The following CFHR1 variants were observed in gnomAD, a reference collection of about 807,000 sequenced individuals.
CFHR1 encodes the protein complement factor H-related protein 1.
In CFHR1, 22 loss-of-function variants were observed where a neutral mutation model predicts 30.4. The ratio of observed to expected loss-of-function variants is 0.72; its 90% confidence interval spans 0.52 to 1.03. The LOEUF is 1.03. Among genes scored for constraint, CFHR1 ranks in the 50% least tolerant of loss-of-function variants. The pLI is 0.00. For synonymous variants in CFHR1, 95 were observed against 129.1 expected (o/e 0.74, Z 1.79); for missense variants, 248 against 380.6 (o/e 0.65, Z 2.90).
intron 5 of CFHR1, among the ~76,000 whole-genome samples, chr1:196,831,488 C>G (rs1295112482): frequency 7.4e-6 from 1 of 135,012 alleles, no homozygotes; most frequent in Non-Finnish European, 1.6e-5. Flanking sequence ...ACTCTTTGAC[C>G]AATATCTTAA....
chr1:196,830,916 A>G (rs1254442989), intron 5 of CFHR1, among the ~76,000 whole-genome samples: 2 of 134,472 alleles, frequency 1.5e-5, no homozygotes, highest in East Asian at 3.9e-4. Flanking sequence ...TCACGAGGTC[A>G]GGAGATTGAG....
chr1:196,829,075 T>C (rs1451262475), intron 4 of CFHR1, among the ~76,000 whole-genome samples: 1 of 134,784 alleles, frequency 7.4e-6, no homozygotes, highest in Admixed American at 7.1e-5. Flanking sequence ...AGATTAATTT[T>C]GATTCATATG....
Position 196,825,783 on chromosome 1 carries a change from G to A in CFHR1, c.253+112G>A. The A allele has an allele frequency of 2.8e-6, 3 of 1,076,672 alleles. 1 individual carries two copies. In the South Asian group the frequency reaches 4.7e-5, roughly 17 times the overall value. The allele number at this position is 1,076,672 out of a possible 1,614,324, so 66.7% of individuals were successfully genotyped here. A position where few individuals can be genotyped will look rare whatever the true frequency, so the allele number is the denominator to read the frequency against. On this transcript the variant is annotated intron_variant, in intron 2 of 5. Transcript: ENST00000320493. ...ACAGGGACAGTGACCAAAGAAGCTG[G>A]AAAGATGGGAGATGTAGTCCCCCTA... is the stretch of plus-strand genomic sequence containing the variant.
In CFHR1 at chr1:196,827,956, G is replaced by T; in HGVS notation, c.431-114G>T. 7.5e-6 allele frequency: 7 copies of T among 937,058 alleles called. 1 individual carries two copies. Among genetic ancestry groups the T allele is most frequent in the African/African-American group, 4.9e-5 (2 of 40,774 alleles). 58.0% of individuals were successfully genotyped at this position (937,058 alleles called of 1,614,324 possible). On this transcript the variant is annotated intron_variant, in intron 3 of 5. Transcript: ENST00000320493. Reference sequence around the variant, plus strand: ...ATTTATTAAAATCAACAAAATATTTGATGAGATTGTCTACTTATTTTAAAT... The same window carrying T: ...ATTTATTAAAATCAACAAAATATTTTATGAGATTGTCTACTTATTTTAAAT...
Position 196,828,077 on chromosome 1 carries a change from C to T in CFHR1, c.438C>T (p.Ser146=). ...TPPKCRSTDT[S]CVNPPTVQNA... ...TCTTTTTTTTCTACTCAGACACTTC[C>T]TGTGTGAATCCGCCCACAGTACAAA... Residue 146 remains serine, a synonymous_variant, in exon 4 of 6, where the codon TCC becomes TCT. Coordinates refer to ENST00000320493, the MANE Select transcript of CFHR1 (RefSeq NM_002113.3). 6.7e-7 allele frequency: 1 copy of T among 1,489,250 alleles called. No individual in the cohort carries two copies. The highest frequency in any genetic ancestry group is 9.0e-7 in the Non-Finnish European group (1 of 1,110,548). The allele number at this position is 1,489,250 out of a possible 1,614,324, so 92.3% of individuals were successfully genotyped here. A position where few individuals can be genotyped will look rare whatever the true frequency, so the allele number is the denominator to read the frequency against.
At position 196,829,439 on chromosome 1, in the gene CFHR1, A is replaced by G. The variant is rs370236746; in HGVS notation, c.608-1061A>G. On this transcript the variant is annotated intron_variant, in intron 4 of 5. Transcript: ENST00000320493. ...ATTTTTTCAGGATCCTGAAGTCTCAAGCTCTTTCTTTTATCTGTTTTATTT... is the reference window on the plus strand; with the variant it reads ...ATTTTTTCAGGATCCTGAAGTCTCAGGCTCTTTCTTTTATCTGTTTTATTT... Among the ~76,000 whole-genome samples the G allele has an allele frequency of 3.1e-4, 42 of 135,024 alleles. 11 individuals carry two copies. Among genetic ancestry groups the G allele is most frequent in the East Asian group, 1.6e-3 (8 of 5,124 alleles). 88.6% of individuals were successfully genotyped at this position (135,024 alleles called of 152,430 possible).
rs1655522557 is a variant in CFHR1, at chr1:196,830,739, T to A, written c.790+57T>A. 1.3e-6 allele frequency: 2 copies of A among 1,499,786 alleles called. 1 individual carries two copies. The highest frequency in any genetic ancestry group is 1.8e-6 in the Non-Finnish European group (2 of 1,106,720). 92.9% of individuals were successfully genotyped at this position (1,499,786 alleles called of 1,614,324 possible). On this transcript the variant is annotated intron_variant, in intron 5 of 5. Transcript: ENST00000320493. The stretch of plus-strand genomic sequence containing the variant: ...AATCAGTGTGATGAGTCTGATATTT[T>A]GCTGTTGGTAACAAAATAATCACAG...
At chr1:196,822,176 G>A (rs1655142249) in intron 1 of CFHR1, among the ~76,000 whole-genome samples, 1 of 118,464 alleles carries the variant, frequency 8.4e-6, no homozygotes, top group African/African-American at 4.0e-5. Context: ...ACTACTAGAG[G>A]TGGTATAAAC....
intron 2 of CFHR1, among the ~76,000 whole-genome samples, chr1:196,826,539 C>T (rs1315606967): frequency 7.5e-6 from 1 of 133,682 alleles, no homozygotes; most frequent in Admixed American, 7.2e-5. Flanking sequence ...CTACCTCTGC[C>T]TTCTAGATTC....
chr1:196,827,734 A>G (rs1456084444), intron 3 of CFHR1, among the ~76,000 whole-genome samples: 2 of 104,622 alleles, frequency 1.9e-5, no homozygotes, highest in Admixed American at 1.9e-4. Context: ...TTAATGTTAA[A>G]TAAATAGAAC....
chr1:196,827,347 A>G lies in CFHR1; in HGVS notation c.430+342A>G, dbSNP rs1293414720. ...TTTACCAACCCCTCCAGGGAATTCTATGCACACTTCTGTGTGAGAAGCATT... is the reference window on the plus strand; with the variant it reads ...TTTACCAACCCCTCCAGGGAATTCTGTGCACACTTCTGTGTGAGAAGCATT... On this transcript the variant is annotated intron_variant, in intron 3 of 5. Coordinates refer to ENST00000320493, the MANE Select transcript of CFHR1 (RefSeq NM_002113.3). Among the ~76,000 whole-genome samples, 11 of 135,704 alleles carry G rather than the reference A, an allele frequency of 8.1e-5. 3 individuals carry two copies. Among genetic ancestry groups the G allele is most frequent in the African/African-American group, 3.5e-4 (11 of 31,860 alleles). 89.0% of individuals were successfully genotyped at this position (135,704 alleles called of 152,430 possible).
At chr1:196,828,810 T>C (rs1297742816) in intron 4 of CFHR1, among the ~76,000 whole-genome samples, 5 of 128,038 alleles carry the variant, frequency 3.9e-5, no homozygotes, top group Admixed American at 1.5e-4. Context: ...TTTTTTTTTT[T>C]CACTATTTTA....
rs188187261 is a variant in CFHR1, at chr1:196,829,981, C to G, written c.608-519C>G. On this transcript the variant is annotated intron_variant, in intron 4 of 5. Coordinates refer to ENST00000320493, the MANE Select transcript of CFHR1 (RefSeq NM_002113.3). ...CAGTTTTTTGTTTTCAGTCTATTTTCAGAGTGGGTAATTTATATTGCTGTA... is the reference window on the plus strand; with the variant it reads ...CAGTTTTTTGTTTTCAGTCTATTTTGAGAGTGGGTAATTTATATTGCTGTA... 9.7e-5 allele frequency among the ~76,000 whole-genome samples: 13 copies of G among 134,684 alleles called. 1 individual carries two copies. The East Asian group carries it at 2.4e-3, about 24-fold the overall frequency. The allele number at this position is 134,684 out of a possible 152,430, so 88.4% of individuals were successfully genotyped here. A position where few individuals can be genotyped will look rare whatever the true frequency, so the allele number is the denominator to read the frequency against.
rs41310895 is a variant in CFHR1, at chr1:196,825,517, A to G, written c.99A>G (p.Leu33=). 2.0e-6 allele frequency: 3 copies of G among 1,518,780 alleles called. No individual in the cohort carries two copies. The highest frequency in any genetic ancestry group is 1.9e-4 in the Middle Eastern group (1 of 5,344). The allele number at this position is 1,518,780 out of a possible 1,614,324, so 94.1% of individuals were successfully genotyped here. The stretch of plus-strand genomic sequence containing the variant: ...TTCCAAAAATAAACCATGGAATTCT[A>G]TATGATGAAGAAAAATATAAGCCAT... ...CDFPKINHGI[L]YDEEKYKPFS... The change falls in exon 2 of 6, where the codon CTA becomes CTG. Residue 33 remains leucine, a synonymous_variant. Transcript: ENST00000320493.
Position 196,832,181 on chromosome 1 carries a change from G to A in CFHR1, c.*182G>A. ...CTTAAAAGCACCATATTAAAACTTG[G>A]AAAACTAACTGTTGTGTCCAGTTCA... On this transcript the variant is annotated 3_prime_UTR_variant, in exon 6 of 6. Coordinates refer to ENST00000320493, the MANE Select transcript of CFHR1 (RefSeq NM_002113.3). 1.5e-6 allele frequency: 1 copy of A among 678,562 alleles called. No individual in the cohort carries two copies. Among genetic ancestry groups the A allele is most frequent in the Non-Finnish European group, 2.4e-6 (1 of 424,718 alleles). 42.0% of individuals were successfully genotyped at this position (678,562 alleles called of 1,614,324 possible). A position where few individuals can be genotyped will look rare whatever the true frequency, so the allele number is the denominator to read the frequency against.
Position 196,824,539 on chromosome 1 carries a change from T to A in CFHR1, c.59-938T>A, listed in dbSNP as rs1457769206. ...TCCCAAAGTGCTGGGATTACAGGCA[T>A]GAGCTACCACACTCAGCCCTCTCAT... On this transcript the variant is annotated intron_variant, in intron 1 of 5. Transcript: ENST00000320493. 1.7e-4 allele frequency among the ~76,000 whole-genome samples: 22 copies of A among 132,548 alleles called. 9 individuals carry two copies. Among genetic ancestry groups the A allele is most frequent in the African/African-American group, 7.2e-4 (22 of 30,588 alleles). 87.0% of individuals were successfully genotyped at this position (132,548 alleles called of 152,430 possible). A position where few individuals can be genotyped will look rare whatever the true frequency, so the allele number is the denominator to read the frequency against.
chr1:196,824,919 C>T (rs1469178301), intron 1 of CFHR1, among the ~76,000 whole-genome samples: 1 of 125,534 alleles, frequency 8.0e-6, no homozygotes, highest in Non-Finnish European at 1.6e-5. Flanking sequence ...TCTTATATTC[C>T]CTAAATTATT....
Position 196,826,611 on chromosome 1 carries a change from C to T in CFHR1, c.254-218C>T, listed in dbSNP as rs437504. On this transcript the variant is annotated intron_variant, in intron 2 of 5. Coordinates refer to ENST00000320493, the MANE Select transcript of CFHR1 (RefSeq NM_002113.3). ...AATTATAAGTGCGCACCACTATGCC[C>T]GCTAATTTTTGTATTTTTACTAGAA... is the stretch of plus-strand genomic sequence containing the variant. 0.45 allele frequency among the ~76,000 whole-genome samples: 59,639 copies of T among 131,640 alleles called. 19,475 individuals are homozygous for T. The highest frequency in any genetic ancestry group is 0.54 in the Admixed American group (7,389 of 13,668). 86.4% of individuals were successfully genotyped at this position (131,640 alleles called of 152,430 possible). A position where few individuals can be genotyped will look rare whatever the true frequency, so the allele number is the denominator to read the frequency against.
chr1:196,828,889 CAT>C (rs1655442051), intron 4 of CFHR1, among the ~76,000 whole-genome samples: 1 of 128,730 alleles, frequency 7.8e-6, no homozygotes, highest in Non-Finnish European at 1.6e-5. Context: ...GTCATGTTTA[CAT>C]ATCCATTCAT....
Sources: gnomAD v4.1 joint callset for allele counts (sites outside exome capture counted in the v4.1 genomes callset) on GRCh38, gnomAD v4.1.1 for gene constraint, MANE v1.5 for transcripts, NCBI Gene and HGNC (gene_info 2026-07-23, HGNC 2026-07-21) for gene names.